The following TUSC3 variants were observed in gnomAD, a reference collection of about 807,000 sequenced individuals.
TUSC3 encodes the protein tumor suppressor candidate 3, also known as dolichyl-diphosphooligosaccharide--protein glycosyltransferase subunit TUSC3.
TUSC3 carries 45 observed loss-of-function variants against 44.8 expected under a neutral mutation model. The ratio of observed to expected loss-of-function variants is 1.00; its 90% CI spans 0.79 to 1.29. The LOEUF is 1.29. TUSC3 is among the 50% of genes most tolerant of loss of function. The pLI is 0.00. For missense variants in TUSC3, 519 were observed against 437.9 expected (o/e 1.19, Z -1.65); for synonymous variants, 212 against 152.9 (o/e 1.39, Z -2.85).
rs1805325913 is a variant in TUSC3 at position 15,623,129 on chromosome 8, G to T, written c.188G>T (p.Arg63Leu). 2 of 1,613,760 alleles carry T rather than the reference G, an allele frequency of 1.2e-6. No homozygotes were observed. The highest frequency in any genetic ancestry group is 1.7e-6 in the Non-Finnish European group (2 of 1,179,856). Residue 63 changes from arginine to leucine, a missense_variant, in exon 2 of 11, where the codon CGC becomes CTC. Physicochemically the swap from Arg to Leu is moderately radical, Grantham distance 102 (BLOSUM62 -2). Transcript: ENST00000503731. Reference protein sequence around the residue: ...VEQLMEWSSRRSIFRMNGDKF... With the variant: ...VEQLMEWSSRLSIFRMNGDKF... ...CAGCTGATGGAATGGAGTTCCAGAC[G>T]CTCAATCTTCCGAATGAATGGTGAT... is the stretch of plus-strand genomic sequence containing the variant.
At chr8:15,841,119 T>C in the TUSC3 span, among the ~76,000 whole-genome samples, 1 of 152,106 alleles carries the variant, frequency 6.6e-6, no homozygotes, top group Non-Finnish European at 1.5e-5. Flanking sequence ...GTAGCCAGTA[T>C]CCAAATTTAT....
intron 1 of TUSC3, among the ~76,000 whole-genome samples, chr8:15,425,474 A>G (rs1218253285): frequency 1.3e-5 from 2 of 152,222 alleles, no homozygotes; most frequent in Non-Finnish European, 2.9e-5. Flanking sequence ...AGATTTCTTT[A>G]TTGGGGTATA....
chr8:15,682,737 G>A (rs1808475540), intron 6 of TUSC3, among the ~76,000 whole-genome samples: 1 of 150,980 alleles, frequency 6.6e-6, no homozygotes, highest in South Asian at 2.1e-4. Flanking sequence ...GCTTTATAGA[G>A]TCTCTGGGCC....
the TUSC3 span, among the ~76,000 whole-genome samples, chr8:15,826,349 A>C: frequency 6.6e-4 from 101 of 152,328 alleles, no homozygotes; most frequent in African/African-American, 2.4e-3. Flanking sequence ...ATAAATAACA[A>C]GTAAAGATTA....
intron 1 of TUSC3, among the ~76,000 whole-genome samples, chr8:15,456,874 C>G (rs1369644834): frequency 6.6e-6 from 1 of 151,958 alleles, no homozygotes; most frequent in Non-Finnish European, 1.5e-5. Flanking sequence ...AGAACTATTT[C>G]TTAAATAAAA....
chr8:15,622,622 A>G (rs1034566493), intron 1 of TUSC3, among the ~76,000 whole-genome samples: 7 of 152,156 alleles, frequency 4.6e-5, no homozygotes, highest in African/African-American at 1.7e-4. Flanking sequence ...AGAATCATAC[A>G]ACACTCTTTT....
rs553852336 is a variant in TUSC3 at position 15,601,107 on chromosome 8, A to C, written c.139-21973A>C. On this transcript the variant is annotated intron_variant, in intron 1 of 10. Transcript: ENST00000503731. ...TGTTAAAGGTCAGCAGATTTGTTAC[A>C]GTATCCATAGGTAGCAAGCTTAAGG... Among the ~76,000 whole-genome samples, 54 of 151,900 alleles carry C rather than the reference A, an allele frequency of 3.6e-4. No homozygotes were observed. The South Asian group carries it at 0.011, about 30-fold the overall frequency.
chr8:15,615,434 G>A (rs527383993), intron 1 of TUSC3, among the ~76,000 whole-genome samples: 141 of 152,156 alleles, frequency 9.3e-4, no homozygotes, highest in Non-Finnish European at 1.8e-3. Flanking sequence ...GCTCATAGAA[G>A]TAGAGAGTAG....
intron 1 of TUSC3, among the ~76,000 whole-genome samples, chr8:15,551,592 A>G (rs1340453721): frequency 6.6e-6 from 1 of 151,764 alleles, no homozygotes; most frequent in Non-Finnish European, 1.5e-5. Context: ...CTACAAAGCC[A>G]TAAATTAAAT....
At chr8:15,450,990 A>G (rs892170849) in intron 1 of TUSC3, among the ~76,000 whole-genome samples, 6 of 152,106 alleles carry the variant, frequency 3.9e-5, no homozygotes, top group African/African-American at 9.7e-5. Flanking sequence ...ACCATGGTCA[A>G]TCCTGCCTGA....
chr8:15,510,559 CTATA>C (rs1801118808), intron 2 of TUSC3, among the ~76,000 whole-genome samples: 1 of 152,080 alleles, frequency 6.6e-6, no homozygotes. Flanking sequence ...AACCCCAACA[CTATA>C]TATATTTTTT....
At chr8:15,604,441 A>G (rs1804432496) in intron 1 of TUSC3, among the ~76,000 whole-genome samples, 1 of 151,694 alleles carries the variant, frequency 6.6e-6, no homozygotes, top group South Asian at 2.1e-4. Flanking sequence ...TTTTATTATT[A>G]TTTGTGCTTT....
chr8:15,602,642 G>A (rs1804335794), intron 1 of TUSC3, among the ~76,000 whole-genome samples: 1 of 148,776 alleles, frequency 6.7e-6, no homozygotes, highest in South Asian at 2.1e-4. Flanking sequence ...CTCTCTTTGG[G>A]GTTGTGAAGA....
In TUSC3 at chr8:15,694,435, CAAAAAAAAAAAAAA is replaced by C. The variant is rs146718595; in HGVS notation, c.798+20611_798+20624del. ...TGAGCAACAAGACGGAAACTCCATCCAAAAAAAAAAAAAAAAAAAAAAAAAGATTGTTGGGGAAC... is the reference window on the plus strand; with the variant it reads ...TGAGCAACAAGACGGAAACTCCATCCAAAAAAAAAAAGATTGTTGGGGAAC... On this transcript the variant is annotated intron_variant, in intron 6 of 10. Transcript: ENST00000503731. Among the ~76,000 whole-genome samples, 20 of 83,218 alleles carry C rather than the reference CAAAAAAAAAAAAAA, an allele frequency of 2.4e-4. 1 individual carries two copies. The highest frequency in any genetic ancestry group is 9.3e-4 in the African/African-American group (17 of 18,198). The allele number at this position is 83,218 out of a possible 152,430, so 54.6% of individuals were successfully genotyped here.
intron 6 of TUSC3, among the ~76,000 whole-genome samples, chr8:15,702,708 G>A (rs1332806432): frequency 6.6e-6 from 1 of 152,140 alleles, no homozygotes; most frequent in African/African-American, 2.4e-5. Context: ...ATTCTGAACA[G>A]GGAGGAGTGG....
At chr8:15,655,235 A>G (rs372615500) in intron 3 of TUSC3, among the ~76,000 whole-genome samples, 9 of 152,116 alleles carry the variant, frequency 5.9e-5, no homozygotes, top group Non-Finnish European at 1.2e-4. Flanking sequence ...GGTGATTAGC[A>G]GCTTCCTGCT....
chr8:15,776,437 TTACAG>T, the TUSC3 span, among the ~76,000 whole-genome samples: 2 of 152,092 alleles, frequency 1.3e-5, no homozygotes, highest in African/African-American at 4.8e-5. Flanking sequence ...TGAAGCACCT[TTACAG>T]TACTTGACAT....
intron 6 of TUSC3, among the ~76,000 whole-genome samples, chr8:15,694,313 G>A (rs1000933499): frequency 1.3e-5 from 2 of 151,782 alleles, no homozygotes; most frequent in African/African-American, 4.8e-5. Flanking sequence ...ATGGTGGCGT[G>A]CGCCGTTAAT....
At chr8:15,826,420 C>T in the TUSC3 span, among the ~76,000 whole-genome samples, 2 of 152,122 alleles carry the variant, frequency 1.3e-5, no homozygotes, top group Non-Finnish European at 2.9e-5. Context: ...CTTTGCGGAA[C>T]ACATAGAAAA....
Sources: gnomAD v4.1 joint callset for allele counts (sites outside exome capture counted in the v4.1 genomes callset) on GRCh38, gnomAD v4.1.1 for gene constraint, MANE v1.5 for transcripts, NCBI Gene and HGNC (gene_info 2026-07-23, HGNC 2026-07-21) for gene names.